The following BTBD7 variants were observed in gnomAD, a reference collection of about 807,000 sequenced individuals.
BTBD7 encodes the protein BTB domain containing 7, also known as BTB/POZ domain-containing protein 7.
BTBD7 carries 38 observed loss-of-function variants against 99.9 expected under a neutral mutation model. The observed-to-expected ratio is 0.38, with a 90% CI of 0.29 to 0.50. The LOEUF (loss-of-function observed/expected upper bound fraction) is 0.50. Ranked by LOEUF, BTBD7 falls within the 20% of genes least tolerant of loss-of-function variation. The pLI, the probability that BTBD7 is intolerant of heterozygous loss-of-function variation, is 0.93. For missense variants in BTBD7, 1,170 were observed against 1,394.6 expected (o/e 0.84, Z 2.57); for synonymous variants, 520 against 511.4 (o/e 1.02, Z -0.23).
At chr14:93,250,969 A>T (rs1281164211) in intron 8 of BTBD7, among the ~76,000 whole-genome samples, 1 of 151,902 alleles carries the variant, frequency 6.6e-6, no homozygotes, top group Non-Finnish European at 1.5e-5. Flanking sequence ...TAACCTGAGA[A>T]ATACCCTATA....
chr14:93,309,504 C>A (rs998276960), intron 1 of BTBD7, among the ~76,000 whole-genome samples: 2 of 151,226 alleles, frequency 1.3e-5, no homozygotes, highest in Admixed American at 6.6e-5. Context: ...CCAACCTCCA[C>A]ACCCCTGCTA....
In BTBD7 at chr14:93,251,567, T is replaced by C. The variant is rs1232562710; in HGVS notation, c.1838A>G (p.Tyr613Cys). Residue 613 changes from tyrosine to cysteine, a missense_variant, in exon 8 of 11, where the codon TAC becomes TGC. Physicochemically the swap from Tyr to Cys is radical, Grantham distance 194. Coordinates refer to ENST00000334746, the MANE Select transcript of BTBD7 (RefSeq NM_001002860.4). Reference sequence around the variant, plus strand: ...CTGTGGCACGGCATTATTGACCATGTAGAGCGTGTCTGGCACATTGGACAT... The same window carrying C: ...CTGTGGCACGGCATTATTGACCATGCAGAGCGTGTCTGGCACATTGGACAT... ...VRMSNVPDTL[Y>C]MVNNAVPQCC... 2 of 1,614,098 alleles carry C rather than the reference T, an allele frequency of 1.2e-6. No individual in the cohort carries two copies. The highest frequency in any genetic ancestry group is 2.2e-5 in the East Asian group (1 of 44,886).
intron 3 of BTBD7, among the ~76,000 whole-genome samples, chr14:93,291,882 T>C (rs1181738701): frequency 6.6e-6 from 1 of 152,102 alleles, no homozygotes; most frequent in African/African-American, 2.4e-5. Context: ...AATTTTACTT[T>C]GCATCTAAAA....
chr14:93,309,205 A>C (rs75539329), intron 1 of BTBD7, among the ~76,000 whole-genome samples: 5 of 152,210 alleles, frequency 3.3e-5, no homozygotes, highest in African/African-American at 1.2e-4. Context: ...TTATTCTCAC[A>C]ATAACTCTTC....
At chr14:93,256,029 C>T (rs1489653129) in intron 6 of BTBD7, 1 of 152,144 alleles carries the variant, frequency 6.6e-6, no homozygotes, top group Non-Finnish European at 1.5e-5. Context: ...AGCAGGGCTA[C>T]CCCATAGGCA....
At chr14:93,309,974 T>TC (rs397797322) in intron 1 of BTBD7, among the ~76,000 whole-genome samples, 5 of 151,764 alleles carry the variant, frequency 3.3e-5, no homozygotes, top group African/African-American at 9.7e-5. Context: ...TGTTTTTTTT[T>TC]CCCCCTTTAG....
intron 3 of BTBD7, chr14:93,287,955 A>C (rs1242369721): frequency 6.6e-6 from 1 of 152,594 alleles, no homozygotes; most frequent in Non-Finnish European, 1.5e-5. Context: ...ATTTAGCCTT[A>C]CACTTGATTG....
intron 3 of BTBD7, among the ~76,000 whole-genome samples, chr14:93,276,649 T>C (rs1287231493): frequency 6.6e-6 from 1 of 152,148 alleles, no homozygotes; most frequent in African/African-American, 2.4e-5. Context: ...ATTAATCCCT[T>C]CTAATGGGAA....
rs2052243108 is a variant in BTBD7, at chr14:93,242,465, A to G, written c.3207T>C (p.Thr1069=). The stretch of plus-strand genomic sequence containing the variant: ...ATGCAGAAAGTGAAGGTCTGTTAGG[A>G]GTCAGCCCAAAAGTCAAGTCAGTTT... ...AVETDLTFGL[T]PNRPSLSACS... is the part of the protein sequence containing the mutation. The change falls in exon 11 of 11, where the codon ACT becomes ACC. Residue 1069 remains threonine, a synonymous_variant. Transcript: ENST00000334746. 9.9e-6 allele frequency: 16 copies of G among 1,614,214 alleles called. No individual in the cohort carries two copies. Among genetic ancestry groups the G allele is most frequent in the Non-Finnish European group, 1.4e-5 (16 of 1,180,040 alleles).
Position 93,328,611 on chromosome 14 carries a change from TA to T in BTBD7, c.-107+4208del, listed in dbSNP as rs57161505. Among the ~76,000 whole-genome samples the T allele has an allele frequency of 6.0e-3, 613 of 101,782 alleles. 3 individuals carry two copies. Among genetic ancestry groups the T allele is most frequent in the East Asian group, 0.041 (139 of 3,422 alleles). The allele number at this position is 101,782 out of a possible 152,430, so 66.8% of individuals were successfully genotyped here. A position where few individuals can be genotyped will look rare whatever the true frequency, so the allele number is the denominator to read the frequency against. On this transcript the variant is annotated intron_variant, in intron 1 of 10. Transcript: ENST00000334746. The stretch of plus-strand genomic sequence containing the variant: ...TAAGAGCCAGAACTATAAAATTCTT[TA>T]AAAAAAAAAAAAAAAAAAAAAAAAG...
chr14:93,288,132 T>C (rs2052802703), intron 3 of BTBD7: 1 of 199,242 alleles, frequency 5.0e-6, no homozygotes, highest in African/African-American at 2.3e-5. Flanking sequence ...CCCTGCAACA[T>C]TTTAAAATTG....
intron 1 of BTBD7, among the ~76,000 whole-genome samples, chr14:93,310,770 C>A (rs1192411449): frequency 3.4e-5 from 4 of 116,656 alleles, no homozygotes; most frequent in African/African-American, 3.6e-5. Flanking sequence ...AACCAAAAAA[C>A]TTTTTTTTTT....
chr14:93,322,361 CT>C (rs1383084759), intron 1 of BTBD7, among the ~76,000 whole-genome samples: 1 of 152,100 alleles, frequency 6.6e-6, no homozygotes, highest in Non-Finnish European at 1.5e-5. Context: ...TCAAGTGATC[CT>C]TTTGCCTTGG....
chr14:93,272,552 T>C (rs934222550), intron 3 of BTBD7, among the ~76,000 whole-genome samples: 5 of 152,306 alleles, frequency 3.3e-5, no homozygotes, highest in South Asian at 2.1e-4. Flanking sequence ...TAGCATCTCA[T>C]ATACCAATTA....
In BTBD7 at chr14:93,242,155, C is replaced by G; in HGVS notation, c.*118G>C. 1.1e-6 allele frequency: 1 copy of G among 923,530 alleles called. No homozygotes were observed. Among genetic ancestry groups the G allele is most frequent in the South Asian group, 1.7e-5 (1 of 59,234 alleles). 57.2% of individuals were successfully genotyped at this position (923,530 alleles called of 1,614,324 possible). A position where few individuals can be genotyped will look rare whatever the true frequency, so the allele number is the denominator to read the frequency against. The stretch of plus-strand genomic sequence containing the variant: ...ACACATATATACACAAAAACTAGAA[C>G]AAAATCATGTGAAACCGAGTTATCA... On this transcript the variant is annotated 3_prime_UTR_variant, in exon 11 of 11. Coordinates refer to ENST00000334746, the MANE Select transcript of BTBD7 (RefSeq NM_001002860.4).
rs146700462 is a variant in BTBD7, at chr14:93,289,259, T to C, written c.1162+4599A>G. 1.4e-3 allele frequency among the ~76,000 whole-genome samples: 216 copies of C among 152,346 alleles called. 3 individuals are homozygous for C. The highest frequency in any genetic ancestry group is 5.0e-3 in the African/African-American group (206 of 41,566). ...TTAGTAGGGAATACTTGGCTCACTA[T>C]ATGCAGAAGAACAAAACCACATCCT... On this transcript the variant is annotated intron_variant, in intron 3 of 10. Transcript: ENST00000334746.
At position 93,242,571 on chromosome 14, in the gene BTBD7, G is replaced by C. The variant is rs1451584585; in HGVS notation, c.3101C>G (p.Pro1034Arg). The stretch of plus-strand genomic sequence containing the variant: ...TGCCAAAGGAAAGTCTGACCGCTGG[G>C]GAGGTTGCTCAACGACATCCAGGTG... ...PIHLDVVEQPPQRSDFPLAAP... is the reference protein window; with the variant it reads ...PIHLDVVEQPRQRSDFPLAAP... Residue 1034 changes from proline to arginine, a missense_variant, in exon 11 of 11, where the codon CCC becomes CGC. By Grantham distance (103) the Pro-to-Arg change is moderately radical. This residue lies in a region of BTBD7 where 495 missense variants were observed against 525.9 expected (regional missense o/e 0.94). Transcript: ENST00000334746. The C allele has an allele frequency of 1.2e-6, 2 of 1,614,202 alleles. No homozygotes were observed. The highest frequency in any genetic ancestry group is 2.2e-5 in the South Asian group (2 of 91,082).
intron 8 of BTBD7, among the ~76,000 whole-genome samples, chr14:93,250,245 C>T (rs368192690): frequency 6.6e-6 from 1 of 152,246 alleles, no homozygotes; most frequent in South Asian, 2.1e-4. Context: ...AGAGACAAGC[C>T]TTATTTTTCT....
At chr14:93,267,590 TC>T (rs2052555907) in intron 3 of BTBD7, among the ~76,000 whole-genome samples, 1 of 152,224 alleles carries the variant, frequency 6.6e-6, no homozygotes, top group Admixed American at 6.5e-5. Context: ...CTGAGCTGAC[TC>T]CCAGTCACAC....
Sources: gnomAD v4.1 joint callset for allele counts (sites outside exome capture counted in the v4.1 genomes callset) on GRCh38, gnomAD v4.1.1 for gene constraint, gnomAD v4.1.1 regional missense constraint, MANE v1.5 for transcripts, NCBI Gene and HGNC (gene_info 2026-07-23, HGNC 2026-07-21) for gene names.